Variants in PPP1R9A observed in about 807,000 individuals in gnomAD.
PPP1R9A encodes the protein neurabin-1.
Under a neutral mutation model 141.9 loss-of-function variants are expected in PPP1R9A, and 59 were observed. That is an observed-to-expected ratio of 0.42 (90% CI 0.34 to 0.52). The LOEUF is 0.52. PPP1R9A is among the 20% of genes least tolerant of loss of function. The probability of loss-of-function intolerance (pLI) is 0.10; values close to 1 mark genes in which losing one functional copy is unlikely to be tolerated. For missense variants in PPP1R9A, 1,444 were observed against 1,611.9 expected (o/e 0.90, Z 1.78); for synonymous variants, 500 against 569.7 (o/e 0.88, Z 1.74).
At chr7:95,260,216 G>C (rs1455058875) in intron 12 of PPP1R9A, among the ~76,000 whole-genome samples, 1 of 152,154 alleles carries the variant, frequency 6.6e-6, no homozygotes, top group African/African-American at 2.4e-5. Flanking sequence ...TTTTGAATCT[G>C]ACTACTTGTA....
intron 8 of PPP1R9A, among the ~76,000 whole-genome samples, chr7:95,227,043 A>C (rs1795235057): frequency 6.6e-6 from 1 of 152,216 alleles, no homozygotes; most frequent in Admixed American, 6.5e-5. Flanking sequence ...GATATCTTCA[A>C]ACCAAAGAGC....
intron 2 of PPP1R9A, among the ~76,000 whole-genome samples, chr7:95,024,614 T>G (rs1806533681): frequency 2.0e-5 from 3 of 152,132 alleles, no homozygotes; most frequent in African/African-American, 7.2e-5. Flanking sequence ...TTTTTTTTTG[T>G]TTTCCATTTG....
intron 2 of PPP1R9A, among the ~76,000 whole-genome samples, chr7:94,949,370 T>C (rs1339138947): frequency 6.6e-6 from 1 of 152,112 alleles, no homozygotes; most frequent in Non-Finnish European, 1.5e-5. Flanking sequence ...ATGAGGACTA[T>C]TGTTGTATTA....
intron 5 of PPP1R9A, among the ~76,000 whole-genome samples, chr7:95,195,007 CAG>C (rs2152843605): frequency 1.3e-5 from 2 of 152,102 alleles, no homozygotes; most frequent in East Asian, 1.9e-4. Flanking sequence ...ACAATTGATA[CAG>C]AGTTAGAAAA....
At chr7:94,940,258 G>T (rs190425379) in intron 2 of PPP1R9A, among the ~76,000 whole-genome samples, 128 of 152,096 alleles carry the variant, frequency 8.4e-4, no homozygotes, top group African/African-American at 2.9e-3. Flanking sequence ...TCTCAGAGAG[G>T]TTAGATAATT....
chr7:95,148,688 C>CAAAAAAAAAA (rs80065854), intron 4 of PPP1R9A, among the ~76,000 whole-genome samples: 6 of 69,736 alleles, frequency 8.6e-5, no homozygotes, highest in Admixed American at 1.4e-4. Flanking sequence ...TCTAAAAATA[C>CAAAAAAAAAA]AAAAAAAAAA....
chr7:95,032,393 T>A (rs753308835), intron 2 of PPP1R9A, among the ~76,000 whole-genome samples: 2 of 152,068 alleles, frequency 1.3e-5, no homozygotes, highest in African/African-American at 2.4e-5. Context: ...GAAACTGAGA[T>A]CTAGAGGAGC....
At chr7:95,277,266 T>G (rs1348473081) in intron 16 of PPP1R9A, among the ~76,000 whole-genome samples, 2 of 152,218 alleles carry the variant, frequency 1.3e-5, no homozygotes, top group Admixed American at 6.5e-5. Context: ...AGAGTTTACC[T>G]TGTTGTGTTT....
At chr7:95,058,934 C>T (rs951304673) in intron 2 of PPP1R9A, among the ~76,000 whole-genome samples, 4 of 151,976 alleles carry the variant, frequency 2.6e-5, no homozygotes, top group Non-Finnish European at 4.4e-5. Context: ...GGATTGTAGG[C>T]GTGTGCCACC....
chr7:95,278,568 T>C (rs1803610345), intron 16 of PPP1R9A, among the ~76,000 whole-genome samples: 1 of 152,206 alleles, frequency 6.6e-6, no homozygotes, highest in Admixed American at 6.5e-5. Flanking sequence ...CATTATTCAG[T>C]TGGTCTATTC....
At chr7:94,986,550 G>T (rs1018561797) in intron 2 of PPP1R9A, among the ~76,000 whole-genome samples, 2 of 152,170 alleles carry the variant, frequency 1.3e-5, no homozygotes, top group Non-Finnish European at 2.9e-5. Flanking sequence ...GTGTTGTACA[G>T]CAATGTAGGA....
chr7:94,909,349 G>A (rs933534286), intron 1 of PPP1R9A, among the ~76,000 whole-genome samples: 1 of 152,154 alleles, frequency 6.6e-6, no homozygotes, highest in Admixed American at 6.5e-5. Flanking sequence ...AATTGCATTA[G>A]TATTGCTTTG....
chr7:95,204,378 G>C (rs115699082), intron 7 of PPP1R9A, among the ~76,000 whole-genome samples: 1 of 152,046 alleles, frequency 6.6e-6, no homozygotes, highest in Admixed American at 6.6e-5. Context: ...GGAAACTGAA[G>C]AATAAAGGAA....
intron 2 of PPP1R9A, among the ~76,000 whole-genome samples, chr7:94,938,163 T>C (rs564625273): frequency 6.6e-6 from 1 of 152,244 alleles, no homozygotes; most frequent in Admixed American, 6.5e-5. Context: ...CTGCCTGAGC[T>C]CCTTCTCTTG....
chr7:94,976,733 T>G (rs1320339215), intron 2 of PPP1R9A, among the ~76,000 whole-genome samples: 1 of 152,192 alleles, frequency 6.6e-6, no homozygotes, highest in East Asian at 1.9e-4. Flanking sequence ...TGTTTTACTT[T>G]GATGGGATGG....
At position 95,019,120 on chromosome 7, in the gene PPP1R9A, C is replaced by T. The variant is rs905113657; in HGVS notation, c.1396-92139C>T. Reference sequence around the variant, plus strand: ...TACTACTTAGAAAAAATAGGCTGGGCGTGGTGGCTCACGCCTGTAATCCTA... The same window carrying T: ...TACTACTTAGAAAAAATAGGCTGGGTGTGGTGGCTCACGCCTGTAATCCTA... On this transcript the variant is annotated intron_variant, in intron 2 of 19. Coordinates refer to ENST00000433360, the MANE Select transcript of PPP1R9A (RefSeq NM_001166160.2). Among the ~76,000 whole-genome samples, 15 of 152,268 alleles carry T rather than the reference C, an allele frequency of 9.9e-5. No homozygotes were observed. In the East Asian group the frequency reaches 1.9e-3, roughly 20 times the overall value.
At chr7:94,941,013 A>G (rs891675401) in intron 2 of PPP1R9A, among the ~76,000 whole-genome samples, 3 of 152,128 alleles carry the variant, frequency 2.0e-5, no homozygotes, top group Admixed American at 6.6e-5. Context: ...GGAATACATT[A>G]TGCACAGTTA....
intron 2 of PPP1R9A, among the ~76,000 whole-genome samples, chr7:94,970,926 G>A (rs1383107419): frequency 1.3e-5 from 2 of 152,026 alleles, no homozygotes; most frequent in Non-Finnish European, 2.9e-5. Flanking sequence ...TACATAGTAA[G>A]TGGAAGTTCA....
At chr7:95,082,204 A>T (rs1815962973) in intron 2 of PPP1R9A, among the ~76,000 whole-genome samples, 1 of 152,208 alleles carries the variant, frequency 6.6e-6, no homozygotes, top group East Asian at 1.9e-4. Context: ...AGTTAAAACG[A>T]AAAATAGGGC....
Sources: gnomAD v4.1 joint callset for allele counts (sites outside exome capture counted in the v4.1 genomes callset) on GRCh38, gnomAD v4.1.1 for gene constraint, MANE v1.5 for transcripts, NCBI Gene and HGNC (gene_info 2026-07-23, HGNC 2026-07-21) for gene names.